The following OTUD6B variants were observed in gnomAD, a reference collection of about 807,000 sequenced individuals.
The protein encoded by OTUD6B is deubiquitinase OTUD6B.
Under a neutral mutation model 36.9 loss-of-function variants are expected in OTUD6B, and 41 were observed. That is an observed-to-expected ratio of 1.11 (90% CI 0.87 to 1.44). The LOEUF (loss-of-function observed/expected upper bound fraction) is 1.44. OTUD6B is among the 40% of genes most tolerant of loss of function. The pLI, the probability that OTUD6B is intolerant of heterozygous loss-of-function variation, is 0.00. For synonymous variants in OTUD6B, 114 were observed against 114.2 expected (o/e 1.00, Z 0.01); for missense variants, 356 against 344.8 (o/e 1.03, Z -0.26).
At chr8:91,078,944 T>C (rs1007353078) in intron 4 of OTUD6B, 7 of 241,924 alleles carry the variant, frequency 2.9e-5, no homozygotes, top group African/African-American at 1.6e-4. Context: ...TTGAAAAAAA[T>C]GTAAGTTCTT....
At chr8:91,082,680 T>C (rs190738823) in intron 5 of OTUD6B, among the ~76,000 whole-genome samples, 100 of 151,862 alleles carry the variant, frequency 6.6e-4, no homozygotes, top group Admixed American at 1.6e-3. Flanking sequence ...CATAAAGTTA[T>C]TGAGAGGATT....
chr8:91,073,644 C>A (rs1388026211), intron 2 of OTUD6B, 187 bp from the exon 3 acceptor site: 2 of 465,664 alleles, frequency 4.3e-6, no homozygotes, highest in East Asian at 1.5e-4. Flanking sequence ...TGAGCATGAT[C>A]TTTGAAAGAA....
At chr8:91,081,392 A>C (rs1165168875) in intron 5 of OTUD6B, among the ~76,000 whole-genome samples, 1 of 151,698 alleles carries the variant, frequency 6.6e-6, no homozygotes, top group South Asian at 2.1e-4. Context: ...ACAAACAAAA[A>C]AAACAGGTAG....
At position 91,084,833 on chromosome 8, in the gene OTUD6B, C is replaced by A. The variant is rs750707094; in HGVS notation, c.847C>A (p.Arg283=). 7.0e-6 allele frequency: 11 copies of A among 1,575,246 alleles called. No homozygotes were observed. The Admixed American group carries it at 1.7e-4, about 25-fold the overall frequency. ...AGGAGAACATTATAATTCGGTTACA[C>A]GGTTGGTAAACATAGTTACTGAAAA... is the stretch of plus-strand genomic sequence containing the variant. ...GLGEHYNSVT[R]LVNIVTENCS Residue 283 remains arginine (R), a synonymous_variant, in exon 7 of 7, where the codon CGG becomes AGG. Coordinates refer to ENST00000404789, the MANE Select transcript of OTUD6B (RefSeq NM_016023.5).
chr8:91,077,732 T>C (rs146587124), intron 3 of OTUD6B, among the ~76,000 whole-genome samples: 8 of 152,150 alleles, frequency 5.3e-5, no homozygotes, highest in Admixed American at 5.2e-4. Flanking sequence ...ACCATATTTA[T>C]TAAAATGAAT....
intron 6 of OTUD6B, 22 bp downstream of exon 6, chr8:91,084,136 C>G (rs1345849906): frequency 1.5e-6 from 2 of 1,304,876 alleles, no homozygotes; most frequent in East Asian, 5.1e-5. Flanking sequence ...GACATTTTTA[C>G]TGTTTTATTT....
chr8:91,073,658 T>A lies in OTUD6B; in HGVS notation c.235-173T>A, dbSNP rs552306550. 4.9e-5 allele frequency: 30 copies of A among 608,162 alleles called. No individual in the cohort carries two copies. In the African/African-American group the frequency reaches 5.8e-4, roughly 12 times the overall value. 37.7% of individuals were successfully genotyped at this position (608,162 alleles called of 1,614,324 possible). A position where few individuals can be genotyped will look rare whatever the true frequency, so the allele number is the denominator to read the frequency against. On this transcript the variant is annotated intron_variant, in intron 2 of 6. Transcript: ENST00000404789. ...ATGAGCATGATCTTTGAAAGAAACT[T>A]CTTGGGAACTTGTCAAATTCTTCCA... is the stretch of plus-strand genomic sequence containing the variant.
Position 91,073,838 on chromosome 8 carries a change from C to G in OTUD6B, c.242C>G (p.Ser81Cys). 6.3e-7 allele frequency: 1 copy of G among 1,582,416 alleles called. No homozygotes were observed. The highest frequency in any genetic ancestry group is 1.2e-5 in the South Asian group (1 of 86,640). ...GCTTTTTGTTTCCTTCAGATAGATT[C>G]TGTTGCTGTTAACATTTCAAACTTG... ...KLTTKENKID[S>C]VAVNISNLVL... is the part of the protein sequence containing the mutation. Residue 81 changes from serine (S) to cysteine (C), a missense_variant, in exon 3 of 7, where the codon TCT becomes TGT. Coordinates refer to ENST00000404789, the MANE Select transcript of OTUD6B (RefSeq NM_016023.5).
intron 2 of OTUD6B, among the ~76,000 whole-genome samples, chr8:91,073,016 T>A (rs1812728401): frequency 6.6e-6 from 1 of 152,242 alleles, no homozygotes; most frequent in Non-Finnish European, 1.5e-5. Flanking sequence ...TTTAACAGCT[T>A]CCTCTGAAGA....
Position 91,086,031 on chromosome 8 carries a change from T to G in OTUD6B, c.*1163T>G, listed in dbSNP as rs551445832. The G allele has an allele frequency of 1.1e-4, 16 of 152,246 alleles. No individual in the cohort carries two copies. Among genetic ancestry groups the G allele is most frequent in the Admixed American group, 7.9e-4 (12 of 15,258 alleles). 9.4% of individuals were successfully genotyped at this position (152,246 alleles called of 1,614,324 possible). On this transcript the variant is annotated 3_prime_UTR_variant, in exon 7 of 7. Coordinates refer to ENST00000404789, the MANE Select transcript of OTUD6B (RefSeq NM_016023.5). ...TAGAGTAGTTTTGTATATGAATGGT[T>G]GTTCTAGCTCAGATTTCAGGTTACT... is the stretch of plus-strand genomic sequence containing the variant.
At chr8:91,081,012 G>T (rs1446590972) in intron 5 of OTUD6B, among the ~76,000 whole-genome samples, 1 of 152,106 alleles carries the variant, frequency 6.6e-6, no homozygotes, top group Non-Finnish European at 1.5e-5. Context: ...CATCGTGATA[G>T]TAGTATTGGC....
chr8:91,072,265 G>A (rs1812715603), intron 2 of OTUD6B, among the ~76,000 whole-genome samples: 1 of 152,172 alleles, frequency 6.6e-6, no homozygotes, highest in African/African-American at 2.4e-5. Context: ...TGGGAAACAG[G>A]GTTAGAGAGA....
intron 2 of OTUD6B, 75 bp downstream of exon 2, chr8:91,071,364 CTT>C (rs5893159): frequency 0.098 from 78,245 of 802,272 alleles, 4 homozygotes; most frequent in South Asian, 0.13. Flanking sequence ...TGTTAAACTG[CTT>C]TTTTTTTTTT....
intron 3 of OTUD6B, among the ~76,000 whole-genome samples, chr8:91,075,265 G>A (rs1486380183): frequency 6.6e-6 from 1 of 151,964 alleles, no homozygotes; most frequent in Non-Finnish European, 1.5e-5. Context: ...TGGAATCTTG[G>A]AGATTGTCTG....
intron 3 of OTUD6B, 110 bp downstream of exon 3, chr8:91,074,021 G>C (rs1455465598): frequency 2.6e-5 from 17 of 660,162 alleles, no homozygotes; most frequent in Non-Finnish European, 4.3e-5. Context: ...AAATGATGCA[G>C]TTCCTTGTCT....
At chr8:91,084,270 T>G (rs192666532) in intron 6 of OTUD6B, among the ~76,000 whole-genome samples, 156 bp downstream of exon 6, 1 of 152,328 alleles carries the variant, frequency 6.6e-6, no homozygotes, top group East Asian at 1.9e-4. Context: ...ATAAAGTCAT[T>G]TCTAAAGGTT....
At chr8:91,076,780 G>A in intron 3 of OTUD6B, 1 of 714,172 alleles carries the variant, frequency 1.4e-6, no homozygotes, top group Non-Finnish European at 2.5e-6. Context: ...CTTTTATAAA[G>A]TAATAGTGCC....
In OTUD6B at chr8:91,085,884, CT is replaced by C. The variant is rs1813003843; in HGVS notation, c.*1019del. The stretch of plus-strand genomic sequence containing the variant: ...TCATTCTCTAGGATTTGAATAAAAC[CT>C]TTGCCACTTATTTTATTAGCCTTAT... On this transcript the variant is annotated 3_prime_UTR_variant, in exon 7 of 7. Coordinates refer to ENST00000404789, the MANE Select transcript of OTUD6B (RefSeq NM_016023.5). The C allele has an allele frequency of 6.6e-6, 1 of 152,004 alleles. No individual in the cohort carries two copies. The highest frequency in any genetic ancestry group is 1.5e-5 in the Non-Finnish European group (1 of 67,948). The allele number at this position is 152,004 out of a possible 1,614,324, so 9.4% of individuals were successfully genotyped here. A position where few individuals can be genotyped will look rare whatever the true frequency, so the allele number is the denominator to read the frequency against.
At chr8:91,083,000 T>A (rs1441234416) in intron 5 of OTUD6B, among the ~76,000 whole-genome samples, 1 of 151,996 alleles carries the variant, frequency 6.6e-6, no homozygotes, top group Non-Finnish European at 1.5e-5. Context: ...TGAGCCACTG[T>A]GCCTGGCCCG....
Sources: allele counts gnomAD v4.1 joint callset (sites outside exome capture counted in the v4.1 genomes callset), GRCh38; gene constraint gnomAD v4.1.1; transcripts MANE v1.5; gene names NCBI Gene and HGNC (gene_info 2026-07-23, HGNC 2026-07-21).